CHL1: variants seen among roughly 807,000 people sequenced by gnomAD.
CHL1 encodes the protein cell adhesion molecule L1 like, also known as neural cell adhesion molecule L1-like protein.
CHL1 carries 96 observed loss-of-function variants against 141.9 expected under a neutral mutation model. That is an observed-to-expected ratio of 0.68 (90% CI 0.57 to 0.80). The LOEUF (loss-of-function observed/expected upper bound fraction) is 0.80. CHL1 is among the 30% of genes least tolerant of loss of function. The pLI is 0.00. For missense variants in CHL1, 1,820 were observed against 1,457.2 expected (o/e 1.25, Z -4.05); for synonymous variants, 613 against 502.2 (o/e 1.22, Z -2.95).
At chr3:393,825 G>C (rs1387738141) in intron 23 of CHL1, among the ~76,000 whole-genome samples, 1 of 152,080 alleles carries the variant, frequency 6.6e-6, no homozygotes, top group East Asian at 1.9e-4. Flanking sequence ...TGAATGCCTA[G>C]TTTGTTTGTT....
At chr3:345,565 C>T (rs1351352484) in intron 9 of CHL1, among the ~76,000 whole-genome samples, 1 of 151,996 alleles carries the variant, frequency 6.6e-6, no homozygotes, top group Non-Finnish European at 1.5e-5. Context: ...CTCACTGCAA[C>T]CTCTGCCTCC....
intron 1 of CHL1, among the ~76,000 whole-genome samples, chr3:212,584 C>G (rs1699988346): frequency 6.6e-6 from 1 of 152,222 alleles, no homozygotes; most frequent in African/African-American, 2.4e-5. Flanking sequence ...TTGCTTGTCA[C>G]TTTGACCATG....
In CHL1 at chr3:338,065, C is replaced by T. The variant is rs1263245317; in HGVS notation, c.386-2729C>T. Among the ~76,000 whole-genome samples, 6 of 152,086 alleles carry T rather than the reference C, an allele frequency of 3.9e-5. No homozygotes were observed. In the South Asian group the frequency reaches 8.3e-4, roughly 21 times the overall value. Reference sequence around the variant, plus strand: ...ATTTTTAGTAGAGACGGGGTTTCACCATGTTAGCCAGGATGGTCTCGATCT... The same window carrying T: ...ATTTTTAGTAGAGACGGGGTTTCACTATGTTAGCCAGGATGGTCTCGATCT... On this transcript the variant is annotated intron_variant, in intron 5 of 27. Transcript: ENST00000256509.
chr3:255,153 A>G (rs570902662), intron 2 of CHL1, among the ~76,000 whole-genome samples: 1 of 152,186 alleles, frequency 6.6e-6, no homozygotes, highest in African/African-American at 2.4e-5. Context: ...TAACCTGCTC[A>G]CTGGTTTCCT....
At chr3:292,267 C>A (rs1176070213) in intron 2 of CHL1, among the ~76,000 whole-genome samples, 1 of 152,168 alleles carries the variant, frequency 6.6e-6, no homozygotes, top group African/African-American at 2.4e-5. Context: ...GCAAACAGGG[C>A]AACTACTGCT....
At chr3:249,705 T>C (rs1260181192) in intron 2 of CHL1, among the ~76,000 whole-genome samples, 1 of 152,148 alleles carries the variant, frequency 6.6e-6, no homozygotes, top group Non-Finnish European at 1.5e-5. Context: ...AATTGTATAT[T>C]TGAGAGACTA....
chr3:304,276 C>T (rs951756288), intron 2 of CHL1, among the ~76,000 whole-genome samples: 1 of 152,136 alleles, frequency 6.6e-6, no homozygotes, highest in Non-Finnish European at 1.5e-5. Context: ...AGGGAGGATT[C>T]CCTCTTTTCC....
intron 13 of CHL1, among the ~76,000 whole-genome samples, chr3:362,635 A>AT (rs1182463358): frequency 1.4e-5 from 2 of 147,278 alleles, no homozygotes; most frequent in African/African-American, 2.5e-5. Context: ...AAAAAAAAAA[A>AT]GAAACTCAAG....
At chr3:375,534 G>C (rs1706205441) in intron 15 of CHL1, among the ~76,000 whole-genome samples, 1 of 151,698 alleles carries the variant, frequency 6.6e-6, no homozygotes, top group Non-Finnish European at 1.5e-5. Context: ...TAACAAATTA[G>C]GAAATAAGGT....
At chr3:398,406 T>C (rs1379973613) in intron 25 of CHL1, 21 bp downstream of exon 25, 5 of 1,514,574 alleles carry the variant, frequency 3.3e-6, no homozygotes, top group South Asian at 1.1e-5. Context: ...AGATTATATT[T>C]GGGGAAGTCT....
chr3:215,640 T>C (rs1284132362), intron 1 of CHL1, among the ~76,000 whole-genome samples: 1 of 152,198 alleles, frequency 6.6e-6, no homozygotes, highest in Non-Finnish European at 1.5e-5. Flanking sequence ...TATGATGTAC[T>C]CCATAGATGT....
chr3:242,557 C>CACCAG (rs1433144256), intron 1 of CHL1, among the ~76,000 whole-genome samples: 7 of 151,960 alleles, frequency 4.6e-5, no homozygotes, highest in Non-Finnish European at 1.5e-5. Flanking sequence ...GATTGTGCCA[C>CACCAG]TGCACTCCAG....
At chr3:259,953 A>C (rs1296368443) in intron 2 of CHL1, among the ~76,000 whole-genome samples, 1 of 152,170 alleles carries the variant, frequency 6.6e-6, no homozygotes, top group African/African-American at 2.4e-5. Flanking sequence ...CACTGAAAAT[A>C]AAGTGTAATG....
chr3:214,542 ATTGAC>A (rs918896574), intron 1 of CHL1, among the ~76,000 whole-genome samples: 4 of 152,208 alleles, frequency 2.6e-5, no homozygotes, highest in African/African-American at 7.2e-5. Flanking sequence ...TGCTTAAATA[ATTGAC>A]TTGACTTGTT....
At chr3:306,173 C>CA (rs1464304395) in intron 2 of CHL1, among the ~76,000 whole-genome samples, 1 of 152,142 alleles carries the variant, frequency 6.6e-6, no homozygotes, top group African/African-American at 2.4e-5. Context: ...TCTTCTCATA[C>CA]AAGCACAGGG....
intron 20 of CHL1, among the ~76,000 whole-genome samples, chr3:390,336 G>T (rs1708120279): frequency 6.6e-6 from 1 of 152,172 alleles, no homozygotes; most frequent in African/African-American, 2.4e-5. Context: ...CATAGCATAT[G>T]CTCAAATGTT....
At chr3:368,720 G>T (rs2217699) in intron 15 of CHL1, among the ~76,000 whole-genome samples, 38,667 of 152,050 alleles carry the variant, frequency 0.25, 5,406 homozygotes, top group East Asian at 0.44. Flanking sequence ...GTTTTTAATG[G>T]TTTTGGGTTT....
intron 2 of CHL1, chr3:282,747 C>T (rs1438986909): frequency 3.3e-5 from 5 of 152,150 alleles, no homozygotes; most frequent in Non-Finnish European, 7.3e-5. Context: ...CCATAGTAAC[C>T]TTCCCTGTAT....
In CHL1 at chr3:399,097, C is replaced by G. The variant is rs1289196366; in HGVS notation, c.3334C>G (p.Leu1112Val). ...LMCAIALLTL[L>V]LLTVCFVKRN... The stretch of plus-strand genomic sequence containing the variant: ...GTGTGCGATTGCTCTTCTCACACTA[C>G]TATTATTAACTGTTTGCTTTGTGAA... Residue 1112 changes from leucine to valine, a missense_variant, in exon 26 of 28, where the codon CTA becomes GTA. Physicochemically the swap from Leu to Val is conservative, Grantham distance 32. Coordinates refer to ENST00000256509, the MANE Select transcript of CHL1 (RefSeq NM_006614.4). The G allele has an allele frequency of 1.9e-6, 3 of 1,607,274 alleles. No homozygotes were observed. Among genetic ancestry groups the G allele is most frequent in the Non-Finnish European group, 2.6e-6 (3 of 1,173,900 alleles).
Sources: gnomAD v4.1 joint callset for allele counts (sites outside exome capture counted in the v4.1 genomes callset) on GRCh38, gnomAD v4.1.1 for gene constraint, MANE v1.5 for transcripts, NCBI Gene and HGNC (gene_info 2026-07-23, HGNC 2026-07-21) for gene names.